CNBD2: variants seen among roughly 807,000 people sequenced by gnomAD.
The protein encoded by CNBD2 is cyclic nucleotide-binding domain-containing protein 2.
In CNBD2, 64 loss-of-function variants were observed where a neutral mutation model predicts 63.7. The observed-to-expected ratio is 1.00, with a 90% confidence interval of 0.82 to 1.24. The LOEUF (loss-of-function observed/expected upper bound fraction) is 1.24, where lower values mean the gene tolerates loss of function less well. Ranked by LOEUF, CNBD2 falls within the 50% of genes most tolerant of loss-of-function variation. CNBD2 has a pLI of 0.00. For missense variants in CNBD2, 691 were observed against 713.5 expected (o/e 0.97, Z 0.36); for synonymous variants, 229 against 255.4 (o/e 0.90, Z 0.99).
chr20:36,022,191 TTTTC>T (rs1233611981), intron 10 of CNBD2, among the ~76,000 whole-genome samples: 3 of 114,458 alleles, frequency 2.6e-5, no homozygotes, highest in South Asian at 5.6e-4. Flanking sequence ...ATTCTTTTTT[TTTTC>T]TTTTTTTTTT....
downstream of CNBD2, among the ~76,000 whole-genome samples, chr20:35,957,978 A>T (rs762180226): frequency 3.3e-5 from 5 of 152,202 alleles, no homozygotes; most frequent in Non-Finnish European, 7.3e-5. Flanking sequence ...TGGATTGCAG[A>T]CCATCCCTGA....
At chr20:36,017,833 C>T (rs775264479) in intron 10 of CNBD2, among the ~76,000 whole-genome samples, 2 of 152,194 alleles carry the variant, frequency 1.3e-5, no homozygotes, top group Non-Finnish European at 2.9e-5. Flanking sequence ...CTTCTGCCTG[C>T]CCCACCTCTG....
Position 35,972,634 on chromosome 20 carries a change from G to A in CNBD2, c.57G>A (p.Leu19=), listed in dbSNP as rs77984856. 1.4e-3 allele frequency: 2,303 copies of A among 1,614,024 alleles called. 20 individuals carry two copies. In the African/African-American group the frequency reaches 0.027, roughly 19 times the overall value. The part of the protein sequence containing the change: ...AWQLLKKELG[L]YQLAMDIIIM... The stretch of plus-strand genomic sequence containing the variant: ...TGTTTGCTTTGTTTCCATAGGGACT[G>A]TACCAGCTCGCCATGGATATCATCA... Residue 19 remains leucine (L), a synonymous_variant, in exon 2 of 12, where the codon CTG becomes CTA. Transcript: ENST00000373973.
chr20:35,977,998 A>G (rs2056544536), intron 3 of CNBD2, among the ~76,000 whole-genome samples: 1 of 152,166 alleles, frequency 6.6e-6, no homozygotes, highest in South Asian at 2.1e-4. Context: ...AATAACGCTA[A>G]ACTTCTCACA....
At chr20:35,993,044 T>G (rs189560310) in intron 7 of CNBD2, among the ~76,000 whole-genome samples, 5 of 152,062 alleles carry the variant, frequency 3.3e-5, no homozygotes, top group African/African-American at 1.2e-4. Flanking sequence ...GGGGGACACA[T>G]AGTGGAACTG....
At chr20:35,965,425 G>A (rs151204126), upstream of CNBD2, among the ~76,000 whole-genome samples, 39 of 152,140 alleles carry the variant, frequency 2.6e-4, no homozygotes, top group African/African-American at 7.7e-4. Flanking sequence ...TGATCCACCC[G>A]CATCAGCCTC....
At chr20:35,963,464 A>C (rs1009187696) in intron 2 of CNBD2, among the ~76,000 whole-genome samples, 1 of 152,078 alleles carries the variant, frequency 6.6e-6, no homozygotes, top group Non-Finnish European at 1.5e-5. Context: ...AACATGGTGA[A>C]ACCCTGTCTT....
chr20:35,991,805 C>T (rs1331890497), intron 7 of CNBD2, among the ~76,000 whole-genome samples: 3 of 152,174 alleles, frequency 2.0e-5, no homozygotes, highest in African/African-American at 7.2e-5. Flanking sequence ...AGCATTCCTC[C>T]CGCAATCCAG....
intron 9 of CNBD2, among the ~76,000 whole-genome samples, chr20:36,008,860 A>G (rs563342874): frequency 3.9e-5 from 6 of 152,024 alleles, no homozygotes; most frequent in Non-Finnish European, 8.8e-5. Flanking sequence ...CATAGTAGAT[A>G]AGAGCCTGTG....
At position 35,983,846 on chromosome 20, in the gene CNBD2, C is replaced by A. The variant is rs1018310932; in HGVS notation, c.408-136C>A. 4.2e-5 allele frequency: 39 copies of A among 919,990 alleles called. No homozygotes were observed. In the African/African-American group the frequency reaches 6.3e-4, roughly 15 times the overall value. The allele number at this position is 919,990 out of a possible 1,614,324, so 57.0% of individuals were successfully genotyped here. On this transcript the variant is annotated intron_variant, in intron 4 of 11. Transcript: ENST00000373973. ...CTCCAGCTTGACTGGCAGGGCTGGG[C>A]TGTCCTGAGGGCCCTTCTGGTCCAA... is the stretch of plus-strand genomic sequence containing the variant.
In CNBD2 at chr20:35,995,045, G is replaced by A. The variant is rs1319180537; in HGVS notation, c.863G>A (p.Cys288Tyr). The change falls in exon 8 of 12, where the codon TGT (cysteine) becomes TAT (tyrosine). Residue 288 changes from cysteine to tyrosine, a missense_variant. By Grantham distance (194) the Cys-to-Tyr change is radical. Coordinates refer to ENST00000373973, the MANE Select transcript of CNBD2 (RefSeq NM_001365709.1). ...GTCCCTTGCTGTGTTCAGGGCAGCT[G>A]TGAAGTCCTGCGGCTGTTGGACCTT... ...PFIMFISKGS[C>Y]EVLRLLDLGA... 2 of 1,613,616 alleles carry A rather than the reference G, an allele frequency of 1.2e-6. No homozygotes were observed. Among genetic ancestry groups the A allele is most frequent in the Non-Finnish European group, 1.7e-6 (2 of 1,179,484 alleles).
intron 10 of CNBD2, among the ~76,000 whole-genome samples, chr20:36,022,152 GC>G (rs1245068454): frequency 3.3e-5 from 5 of 149,474 alleles, no homozygotes; most frequent in Admixed American, 1.3e-4. Context: ...GGGATTACAG[GC>G]ACCGGCCACC....
intron 7 of CNBD2, among the ~76,000 whole-genome samples, chr20:35,991,887 T>A (rs182977274): frequency 1.3e-5 from 2 of 149,190 alleles, no homozygotes; most frequent in East Asian, 3.9e-4. Flanking sequence ...CTTCTTTTAT[T>A]TTTTTTTTTT....
At chr20:35,999,995 T>C (rs1307246238) in intron 8 of CNBD2, among the ~76,000 whole-genome samples, 1 of 152,158 alleles carries the variant, frequency 6.6e-6, no homozygotes, top group East Asian at 1.9e-4. Flanking sequence ...AGTATCTTTT[T>C]TGTATATTTA....
At chr20:36,001,207 C>A (rs1188826597) in intron 8 of CNBD2, among the ~76,000 whole-genome samples, 2 of 152,096 alleles carry the variant, frequency 1.3e-5, no homozygotes, top group Non-Finnish European at 2.9e-5. Flanking sequence ...TTCTATTCCA[C>A]AAAACCGCCA....
At chr20:36,006,070 C>A (rs2056980948) in intron 8 of CNBD2, among the ~76,000 whole-genome samples, 1 of 151,252 alleles carries the variant, frequency 6.6e-6, no homozygotes, top group African/African-American at 2.4e-5. Flanking sequence ...GCCCTGTCAC[C>A]CAGGCTGGAG....
At chr20:35,985,291 C>G (rs2070754158) in intron 6 of CNBD2, among the ~76,000 whole-genome samples, 9 of 151,422 alleles carry the variant, frequency 5.9e-5, no homozygotes, top group Admixed American at 5.3e-4. Flanking sequence ...AGAGTGTGGT[C>G]CTAGTAGCTA....
chr20:35,980,341 G>A (rs1568866172), intron 3 of CNBD2, 118 bp from the exon 4 acceptor site: 4 of 812,500 alleles, frequency 4.9e-6, no homozygotes, highest in East Asian at 2.7e-5. Flanking sequence ...CACTCATCAC[G>A]TCAGCCACTG....
At chr20:36,012,163 G>T (rs895357819) in intron 10 of CNBD2, among the ~76,000 whole-genome samples, 1 of 152,114 alleles carries the variant, frequency 6.6e-6, no homozygotes, top group Admixed American at 6.6e-5. Flanking sequence ...AGCCAGGCAT[G>T]GTGGCACACA....
Sources: gnomAD v4.1 joint callset for allele counts (sites outside exome capture counted in the v4.1 genomes callset) on GRCh38, gnomAD v4.1.1 for gene constraint, MANE v1.5 for transcripts, NCBI Gene and HGNC (gene_info 2026-07-23, HGNC 2026-07-21) for gene names.